The following POU3F3 variants were observed in gnomAD, a reference collection of about 807,000 sequenced individuals.
POU3F3 encodes POU class 3 homeobox 3.
A neutral mutation model predicts 8.6 loss-of-function variants in POU3F3; 1 was observed. The ratio of observed to expected loss-of-function variants is 0.12; its 90% CI spans 0.04 to 0.55. The LOEUF (loss-of-function observed/expected upper bound fraction) is 0.55, where lower values mean the gene tolerates loss of function less well. Among genes scored for constraint, POU3F3 ranks in the 20% least tolerant of loss-of-function variants. POU3F3 has a pLI of 0.91. For synonymous variants in POU3F3, 418 were observed against 327.4 expected (o/e 1.28, Z -2.99); for missense variants, 577 against 690.7 (o/e 0.84, Z 1.84).
chr2:104,864,272 T>C, the POU3F3 span, among the ~76,000 whole-genome samples: 12 of 152,220 alleles, frequency 7.9e-5, no homozygotes, highest in Non-Finnish European at 1.5e-4. Context: ...GAGGCCGTGG[T>C]GAGCCTTAGA....
chr2:104,858,806 A>C (rs1219002052), downstream of POU3F3, among the ~76,000 whole-genome samples: 1 of 152,136 alleles, frequency 6.6e-6, no homozygotes. Context: ...CTCTCCCTTA[A>C]TTTTAGTGGA....
the POU3F3 span, among the ~76,000 whole-genome samples, chr2:104,882,766 C>G: frequency 6.6e-6 from 1 of 152,132 alleles, no homozygotes; most frequent in African/African-American, 2.4e-5. Flanking sequence ...AATTCAGAAA[C>G]AAATTCACAC....
the POU3F3 span, among the ~76,000 whole-genome samples, chr2:104,876,642 T>C: frequency 6.6e-6 from 1 of 150,862 alleles, no homozygotes; most frequent in Non-Finnish European, 1.5e-5. Flanking sequence ...AGTGAAAGTA[T>C]CCAGAGTGGG....
chr2:104,899,972 A>G, the POU3F3 span, among the ~76,000 whole-genome samples: 3 of 152,244 alleles, frequency 2.0e-5, no homozygotes, highest in African/African-American at 7.2e-5. Context: ...AGCACATAGC[A>G]GGGAGCCCAC....
At chr2:104,909,116 A>G in the POU3F3 span, among the ~76,000 whole-genome samples, 1 of 152,236 alleles carries the variant, frequency 6.6e-6, no homozygotes, top group Non-Finnish European at 1.5e-5. Flanking sequence ...TCTTGAAAAC[A>G]GCACCAGAAT....
At chr2:104,889,608 C>T in the POU3F3 span, among the ~76,000 whole-genome samples, 1 of 152,194 alleles carries the variant, frequency 6.6e-6, no homozygotes, top group Admixed American at 6.5e-5. Flanking sequence ...ACCTCCAAAG[C>T]GTACTCTTCC....
chr2:104,877,935 C>T, the POU3F3 span, among the ~76,000 whole-genome samples: 1 of 152,192 alleles, frequency 6.6e-6, no homozygotes, highest in Non-Finnish European at 1.5e-5. Context: ...GGATTACAGG[C>T]GTGAGCCACC....
the POU3F3 span, among the ~76,000 whole-genome samples, chr2:104,915,465 A>G: frequency 6.6e-6 from 1 of 152,252 alleles, no homozygotes; most frequent in South Asian, 2.1e-4. Context: ...TGCCACACAG[A>G]TATTTATTAG....
chr2:104,858,506 T>G lies in POU3F3; in HGVS notation c.*1493T>G, dbSNP rs1676618360. 1 of 152,224 alleles carries G rather than the reference T, an allele frequency of 6.6e-6. No individual in the cohort carries two copies. The highest frequency in any genetic ancestry group is 2.4e-5 in the African/African-American group (1 of 41,454). 9.4% of individuals were successfully genotyped at this position (152,224 alleles called of 1,614,324 possible). A position where few individuals can be genotyped will look rare whatever the true frequency, so the allele number is the denominator to read the frequency against. ...AAGGGTATCTTTTGATGTGATCATT[T>G]GATTGTAATTTAATTTGAGTAGTGA... On this transcript the variant is annotated 3_prime_UTR_variant, in exon 1 of 1. Transcript: ENST00000361360.
downstream of POU3F3, among the ~76,000 whole-genome samples, chr2:104,863,528 G>A (rs1370724559): frequency 6.6e-6 from 1 of 152,118 alleles, no homozygotes; most frequent in African/African-American, 2.4e-5. Flanking sequence ...CGCTGCTGAC[G>A]GTGGAGTTCA....
chr2:104,917,116 C>G, the POU3F3 span, among the ~76,000 whole-genome samples: 1 of 152,228 alleles, frequency 6.6e-6, no homozygotes, highest in Non-Finnish European at 1.5e-5. Flanking sequence ...CCAGAACTCA[C>G]ACCACTGGCT....
At chr2:104,870,316 G>A in the POU3F3 span, among the ~76,000 whole-genome samples, 1 of 152,180 alleles carries the variant, frequency 6.6e-6, no homozygotes, top group Non-Finnish European at 1.5e-5. Flanking sequence ...GGGGAGGGGG[G>A]CTCATGGCTT....
chr2:104,895,392 A>T, the POU3F3 span, among the ~76,000 whole-genome samples: 2 of 152,034 alleles, frequency 1.3e-5, no homozygotes, highest in South Asian at 2.1e-4. Context: ...TTTCTACCTT[A>T]TGGTTGTTTA....
the POU3F3 span, among the ~76,000 whole-genome samples, chr2:104,893,655 G>A: frequency 1.2e-4 from 18 of 152,174 alleles, no homozygotes; most frequent in Admixed American, 1.2e-3. Flanking sequence ...GCTGAGGCGG[G>A]CAGATCACCT....
At chr2:104,872,435 T>A in the POU3F3 span, 1 of 427,758 alleles carries the variant, frequency 2.3e-6, no homozygotes, top group African/African-American at 2.0e-5. This position sits in a 1 kb window ranked among gnomAD's most constrained non-coding sequence, Gnocchi z 4.6. Flanking sequence ...TGCTTCCAAC[T>A]GCGATTTCAG....
At chr2:104,889,172 A>T in the POU3F3 span, among the ~76,000 whole-genome samples, 1 of 152,214 alleles carries the variant, frequency 6.6e-6, no homozygotes, top group Non-Finnish European at 1.5e-5. Flanking sequence ...AAAAAAAGAG[A>T]TAGTATTGTA....
At chr2:104,860,699 G>A (rs929081941), downstream of POU3F3, among the ~76,000 whole-genome samples, 2 of 148,686 alleles carry the variant, frequency 1.3e-5, no homozygotes, top group African/African-American at 2.5e-5. Context: ...AAGTCTGTGC[G>A]ATAAATCATT....
rs972877629 is a variant in POU3F3 at position 104,855,293 on chromosome 2, C to CGCGGCGGCG, written c.-204_-196dup. ...CGGCCTTGCAGCTGCAGCCGGGGGC[C>CGCGGCGGCG]GCGGCGGCGGCGGCGGCGGCGGGGG... On this transcript the variant is annotated 5_prime_UTR_variant, in exon 1 of 1. Coordinates refer to ENST00000361360, the MANE Select transcript of POU3F3 (RefSeq NM_006236.3). Among the ~76,000 whole-genome samples, 5 of 146,518 alleles carry CGCGGCGGCG rather than the reference C, an allele frequency of 3.4e-5. No individual in the cohort carries two copies. In the South Asian group the frequency reaches 8.4e-4, roughly 25 times the overall value.
At chr2:104,879,659 T>C in the POU3F3 span, among the ~76,000 whole-genome samples, 1 of 152,112 alleles carries the variant, frequency 6.6e-6, no homozygotes, top group Admixed American at 6.5e-5. Flanking sequence ...ACTGGCTGCA[T>C]TGATCACCCC....
Sources: allele counts gnomAD v4.1 joint callset (sites outside exome capture counted in the v4.1 genomes callset), GRCh38; gene constraint gnomAD v4.1.1; non-coding constraint Gnocchi (gnomAD v3.1); transcripts MANE v1.5; gene names NCBI Gene and HGNC (gene_info 2026-07-23, HGNC 2026-07-21).